The following SLC25A13 variants were observed in gnomAD, a reference collection of about 807,000 sequenced individuals.
SLC25A13 encodes solute carrier family 25 member 13.
Under a neutral mutation model 85.5 loss-of-function variants are expected in SLC25A13, and 70 were observed. That is an observed-to-expected ratio of 0.82 (90% CI 0.68 to 1.00). SLC25A13 has a LOEUF of 1.00. Ranked by LOEUF, SLC25A13 falls within the 50% of genes least tolerant of loss-of-function variation. The pLI is 0.00. For missense variants in SLC25A13, 765 were observed against 819.8 expected (o/e 0.93, Z 0.82); for synonymous variants, 259 against 288.7 (o/e 0.90, Z 1.04).
chr7:96,231,595 G>A (rs893323808), intron 4 of SLC25A13, among the ~76,000 whole-genome samples: 7 of 151,844 alleles, frequency 4.6e-5, no homozygotes, highest in South Asian at 2.1e-4. Flanking sequence ...GTGGTGGTGC[G>A]CGCCTGTAGT....
At chr7:96,264,740 GGTCTC>G (rs1797986520) in intron 3 of SLC25A13, among the ~76,000 whole-genome samples, 1 of 151,064 alleles carries the variant, frequency 6.6e-6, no homozygotes, top group Non-Finnish European at 1.5e-5. Flanking sequence ...GTAGAGACAG[GGTCTC>G]GCTATGTTAG....
In SLC25A13 at chr7:96,208,828, C is replaced by G. The variant is rs1424951879; in HGVS notation, c.468+10G>C. On this transcript the variant is annotated intron_variant, in intron 5 of 17. Transcript: ENST00000265631. ...CCATACCCTTTTAACTTTTTAAGAG[C>G]TAGACCCACCAATAAAAACTGAGTA... The G allele has an allele frequency of 6.2e-7, 1 of 1,613,782 alleles. No individual in the cohort carries two copies. The highest frequency in any genetic ancestry group is 1.1e-5 in the South Asian group (1 of 91,076).
intron 2 of SLC25A13, among the ~76,000 whole-genome samples, chr7:96,294,586 G>A (rs1799274016): frequency 6.9e-6 from 1 of 144,780 alleles, no homozygotes; most frequent in African/African-American, 2.5e-5. Context: ...TCCAGCCTGG[G>A]AGACACAGTG....
At position 96,306,155 on chromosome 7, in the gene SLC25A13, C is replaced by T. The variant is rs547511966; in HGVS notation, c.16-9204G>A. Among the ~76,000 whole-genome samples, 2 of 152,312 alleles carry T rather than the reference C, an allele frequency of 1.3e-5. 1 individual carries two copies. The highest frequency in any genetic ancestry group is 4.8e-5 in the African/African-American group (2 of 41,580). The stretch of plus-strand genomic sequence containing the variant: ...CCCAAGTCACACAGTTAGCAAGTGG[C>T]AGAGCCCTAATTTGATTGCAAATCT... On this transcript the variant is annotated intron_variant, in intron 1 of 17. Transcript: ENST00000265631.
At chr7:96,253,470 T>C (rs978804140) in intron 3 of SLC25A13, among the ~76,000 whole-genome samples, 1 of 152,186 alleles carries the variant, frequency 6.6e-6, no homozygotes, top group Non-Finnish European at 1.5e-5. Context: ...CAGGCTCACA[T>C]GGGATAGGTC....
chr7:96,248,867 T>G (rs895358110), intron 3 of SLC25A13, among the ~76,000 whole-genome samples: 7 of 152,208 alleles, frequency 4.6e-5, no homozygotes, highest in African/African-American at 1.7e-4. Flanking sequence ...GACACCTCCA[T>G]GACAATTCAC....
rs1001025380 is a variant in SLC25A13, at chr7:96,184,957, A to G, written c.988T>C (p.Tyr330His). Residue 330 changes from tyrosine (Y) to histidine (H), a missense_variant, in exon 10 of 18, where the codon TAC becomes CAC. Tyr to His is a moderately conservative substitution (Grantham distance 83). Coordinates refer to ENST00000265631, the MANE Select transcript of SLC25A13 (RefSeq NM_014251.3). The part of the protein sequence containing the change: ...PVLLQVAESA[Y>H]RFGLGSVAGA... ...GCAACAGAACCCAGACCAAACCTGT[A>G]GGCCGACTCTGCAACTTGTAGAAGA... 8 of 1,614,240 alleles carry G rather than the reference A, an allele frequency of 5.0e-6. No individual in the cohort carries two copies. Among genetic ancestry groups the G allele is most frequent in the Non-Finnish European group, 6.8e-6 (8 of 1,180,032 alleles).
At chr7:96,155,993 T>C (rs1056293306) in intron 13 of SLC25A13, among the ~76,000 whole-genome samples, 4 of 152,242 alleles carry the variant, frequency 2.6e-5, no homozygotes, top group East Asian at 1.9e-4. Flanking sequence ...GCAGATTCAA[T>C]ACAACAATTC....
chr7:96,235,052 T>G, intron 3 of SLC25A13, 135 bp from the exon 4 acceptor site: 1 of 642,282 alleles, frequency 1.6e-6, no homozygotes, highest in Non-Finnish European at 2.7e-6. Flanking sequence ...TTTATAAACA[T>G]TTAGCATTTA....
chr7:96,213,631 T>C (rs1324149209), intron 4 of SLC25A13, among the ~76,000 whole-genome samples: 1 of 152,186 alleles, frequency 6.6e-6, no homozygotes, highest in Admixed American at 6.5e-5. Flanking sequence ...TGTTTTAGCT[T>C]TTTTGGTTGC....
intron 4 of SLC25A13, among the ~76,000 whole-genome samples, chr7:96,218,809 G>T (rs1294143444): frequency 6.6e-6 from 1 of 152,024 alleles, no homozygotes; most frequent in East Asian, 1.9e-4. Context: ...ACTGCTGAAG[G>T]CCCAGCATTT....
At chr7:96,133,978 A>C (rs978083875) in intron 14 of SLC25A13, among the ~76,000 whole-genome samples, 1 of 151,846 alleles carries the variant, frequency 6.6e-6, no homozygotes, top group African/African-American at 2.4e-5. Flanking sequence ...TCTTGGAAAA[A>C]CATATCAGAA....
intron 1 of SLC25A13, among the ~76,000 whole-genome samples, chr7:96,319,085 T>C (rs1301171430): frequency 6.6e-6 from 1 of 152,236 alleles, no homozygotes; most frequent in Non-Finnish European, 1.5e-5. Context: ...AGGGACATTC[T>C]TGGAATAAGT....
intron 14 of SLC25A13, among the ~76,000 whole-genome samples, chr7:96,142,290 C>A (rs1244460467): frequency 2.0e-5 from 3 of 152,164 alleles, no homozygotes; most frequent in Non-Finnish European, 2.9e-5. Context: ...TTCCCTTCCT[C>A]CTGTTGGTGT....
chr7:96,192,969 T>A (rs143747068), intron 6 of SLC25A13, 68 bp downstream of exon 6: 1 of 1,537,836 alleles, frequency 6.5e-7, no homozygotes, highest in African/African-American at 1.4e-5. Flanking sequence ...ACATAACTTA[T>A]AAGAATTGTT....
At position 96,314,919 on chromosome 7, in the gene SLC25A13, A is replaced by T. The variant is rs1800075932; in HGVS notation, c.15+7023T>A. The stretch of plus-strand genomic sequence containing the variant: ...AGCCATATGACCTAAGCCAGGGAAC[A>T]CTGGCACCACATGGCCCTGGATGAG... On this transcript the variant is annotated intron_variant, in intron 1 of 17. Coordinates refer to ENST00000265631, the MANE Select transcript of SLC25A13 (RefSeq NM_014251.3). Among the ~76,000 whole-genome samples, 3 of 152,176 alleles carry T rather than the reference A, an allele frequency of 2.0e-5. No individual in the cohort carries two copies. In the South Asian group the frequency reaches 6.2e-4, roughly 32 times the overall value.
chr7:96,160,406 G>A (rs537664732), intron 13 of SLC25A13, among the ~76,000 whole-genome samples: 2 of 152,172 alleles, frequency 1.3e-5, no homozygotes, highest in Non-Finnish European at 2.9e-5. Context: ...TAGTCTGTTC[G>A]GGCTTCTGTA....
chr7:96,288,383 C>A (rs1251039989), intron 2 of SLC25A13, among the ~76,000 whole-genome samples: 1 of 152,204 alleles, frequency 6.6e-6, no homozygotes, highest in Non-Finnish European at 1.5e-5. Context: ...CCAACTGAGG[C>A]ACCAGGGTCA....
At chr7:96,186,958 AGGT>A (rs1794666542) in intron 9 of SLC25A13, among the ~76,000 whole-genome samples, 1 of 152,188 alleles carries the variant, frequency 6.6e-6, no homozygotes, top group South Asian at 2.1e-4. Flanking sequence ...AGCTAAAACT[AGGT>A]GGCTGTATTA....
Sources: gnomAD v4.1 joint callset for allele counts (sites outside exome capture counted in the v4.1 genomes callset) on GRCh38, gnomAD v4.1.1 for gene constraint, MANE v1.5 for transcripts, NCBI Gene and HGNC (gene_info 2026-07-23, HGNC 2026-07-21) for gene names.